ZNF423: variants seen among roughly 807,000 people sequenced by gnomAD.
ZNF423 encodes the protein zinc finger protein 423.
ZNF423 carries 12 observed loss-of-function variants against 95.8 expected under a neutral mutation model. The observed-to-expected ratio is 0.13, with a 90% confidence interval of 0.08 to 0.20. The LOEUF is 0.20. Ranked by LOEUF, ZNF423 falls within the 10% of genes least tolerant of loss-of-function variation. The probability of loss-of-function intolerance (pLI) is 1.00; values close to 1 mark genes in which losing one functional copy is unlikely to be tolerated. For missense variants in ZNF423, 1,316 were observed against 1,737.1 expected (o/e 0.76, Z 4.31); for synonymous variants, 749 against 711.9 (o/e 1.05, Z -0.83).
At chr16:49,712,256 C>A (rs1157696212) in intron 3 of ZNF423, among the ~76,000 whole-genome samples, 3 of 152,158 alleles carry the variant, frequency 2.0e-5, no homozygotes, top group African/African-American at 7.2e-5. Context: ...AACATAGGGG[C>A]CTGCATTGGT....
intron 7 of ZNF423, chr16:49,518,607 C>G: frequency 2.4e-6 from 1 of 420,054 alleles, no homozygotes. Context: ...AAAGTCTCCC[C>G]TATTTCTTCC....
intron 3 of ZNF423, among the ~76,000 whole-genome samples, chr16:49,643,502 C>G (rs901408446): frequency 1.4e-5 from 2 of 141,334 alleles, no homozygotes; most frequent in African/African-American, 5.3e-5. Context: ...AGGATGTGAA[C>G]CCCCCCTTAG....
intron 5 of ZNF423, among the ~76,000 whole-genome samples, chr16:49,596,209 C>T (rs1024833832): frequency 3.9e-5 from 6 of 152,194 alleles, no homozygotes; most frequent in African/African-American, 1.4e-4. Context: ...CACAAAGCCG[C>T]AAACAGCTCC....
chr16:49,533,808 G>A (rs1968946378), intron 5 of ZNF423, among the ~76,000 whole-genome samples: 1 of 152,212 alleles, frequency 6.6e-6, no homozygotes, highest in African/African-American at 2.4e-5. Flanking sequence ...GAAATGGGGA[G>A]AAGGTTGTCC....
intron 7 of ZNF423, among the ~76,000 whole-genome samples, chr16:49,514,245 C>T (rs1264559580): frequency 1.4e-5 from 2 of 141,382 alleles, no homozygotes; most frequent in Non-Finnish European, 3.0e-5. Context: ...CACACGCACA[C>T]GCACACACAC....
intron 5 of ZNF423, among the ~76,000 whole-genome samples, chr16:49,615,128 T>TCACACA (rs557190259): frequency 0.056 from 5,477 of 98,288 alleles, 144 homozygotes; most frequent in Admixed American, 0.091. Flanking sequence ...AGAAACTCCA[T>TCACACA]CTCACACACA....
intron 1 of ZNF423, among the ~76,000 whole-genome samples, chr16:49,799,937 G>A (rs565075802): frequency 1.3e-5 from 2 of 152,176 alleles, no homozygotes; most frequent in South Asian, 4.2e-4. Context: ...CCACAAGCAC[G>A]CACCATTACT....
At chr16:49,655,925 C>G (rs1348704600) in intron 3 of ZNF423, among the ~76,000 whole-genome samples, 1 of 152,218 alleles carries the variant, frequency 6.6e-6, no homozygotes, top group Non-Finnish European at 1.5e-5. Context: ...TAAGTGGGTG[C>G]ACGAGGTAAC....
chr16:49,638,825 G>A lies in ZNF423; in HGVS notation c.351C>T (p.Ser117=), dbSNP rs1325573055. The change falls in exon 4 of 8, where the codon AGC becomes AGT. Residue 117 remains serine (S), a synonymous_variant. Transcript: ENST00000563137. This position sits in a 1 kb window ranked among gnomAD's most constrained non-coding sequence, Gnocchi z 5.6. ...TCTGCGTGGGTGACGCAACATCCTT[G>A]CTGGAGGGAGACGAGGCCACCCAGG... is the stretch of plus-strand genomic sequence containing the variant. ...QLSWVASSPS[S]KDVASPTQMI... 6 of 1,613,476 alleles carry A rather than the reference G, an allele frequency of 3.7e-6. No individual in the cohort carries two copies. Among genetic ancestry groups the A allele is most frequent in the Admixed American group, 3.3e-5 (2 of 59,994 alleles).
At chr16:49,837,688 T>C (rs1413100337) in intron 1 of ZNF423, among the ~76,000 whole-genome samples, 3 of 152,172 alleles carry the variant, frequency 2.0e-5, no homozygotes, top group African/African-American at 7.2e-5. Flanking sequence ...CTCCCCCAGA[T>C]TTTGTCCCAT....
chr16:49,769,556 C>T (rs937568167), intron 2 of ZNF423, among the ~76,000 whole-genome samples: 3 of 152,066 alleles, frequency 2.0e-5, no homozygotes, highest in African/African-American at 7.2e-5. Flanking sequence ...TAAACCTGAT[C>T]ACGCCACTGC....
chr16:49,783,760 A>G (rs2034260035), intron 2 of ZNF423, among the ~76,000 whole-genome samples: 1 of 152,066 alleles, frequency 6.6e-6, no homozygotes, highest in Non-Finnish European at 1.5e-5. Flanking sequence ...TCACAAGGTC[A>G]GGAGATCGAG....
chr16:49,637,970 C>A lies in ZNF423; in HGVS notation c.1206G>T (p.Gln402His), dbSNP rs1160501766. The change falls in exon 4 of 8, where the codon CAG becomes CAT. Residue 402 changes from glutamine (Q) to histidine (H), a missense_variant. Around this residue, in one of 6 missense-constraint regions of ZNF423, gnomAD observed 399 missense variants for 478.5 expected, o/e 0.83. Coordinates refer to ENST00000563137, the MANE Select transcript of ZNF423 (RefSeq NM_001379286.1). This position sits in a 1 kb window ranked among gnomAD's most constrained non-coding sequence, Gnocchi z 5.6. The part of the protein sequence containing the change: ...PDSTLKPLRG[Q>H]KKMRDDGQGW... ...CCTGCCCGTCATCCCGCATCTTCTT[C>A]TGCCCCCGCAGCGGCTTCAAGGTGG... The A allele has an allele frequency of 6.2e-7, 1 of 1,614,164 alleles. No homozygotes were observed. Among genetic ancestry groups the A allele is most frequent in the South Asian group, 1.1e-5 (1 of 91,092 alleles).
chr16:49,527,389 G>A (rs1028222574), intron 5 of ZNF423, among the ~76,000 whole-genome samples: 4 of 152,188 alleles, frequency 2.6e-5, no homozygotes, highest in East Asian at 3.9e-4. Flanking sequence ...CCCCACGCAC[G>A]TCCTCCACCT....
At chr16:49,722,885 T>C (rs1204162001) in intron 3 of ZNF423, among the ~76,000 whole-genome samples, 1 of 152,168 alleles carries the variant, frequency 6.6e-6, no homozygotes, top group East Asian at 1.9e-4. Flanking sequence ...TGTGCCATTC[T>C]GGTATTTTTA....
intron 1 of ZNF423, among the ~76,000 whole-genome samples, chr16:49,829,946 C>T (rs2035044704): frequency 6.6e-6 from 1 of 152,204 alleles, no homozygotes; most frequent in Non-Finnish European, 1.5e-5. Context: ...CCCACTAACC[C>T]TTTCTCCTGA....
intron 5 of ZNF423, among the ~76,000 whole-genome samples, chr16:49,556,434 C>T (rs981730224): frequency 6.6e-6 from 1 of 152,202 alleles, no homozygotes. Context: ...GCTAGCTGTC[C>T]TCTCCCATGG....
intron 3 of ZNF423, among the ~76,000 whole-genome samples, 181 bp from the exon 4 acceptor site, chr16:49,639,055 A>C (rs887422940): frequency 6.6e-6 from 1 of 152,208 alleles, no homozygotes; most frequent in African/African-American, 2.4e-5. Flanking sequence ...CTGTCTGCAG[A>C]GGGCACGCCA....
At chr16:49,813,589 T>C (rs777743187) in intron 1 of ZNF423, among the ~76,000 whole-genome samples, 1 of 152,172 alleles carries the variant, frequency 6.6e-6, no homozygotes, top group South Asian at 2.1e-4. Context: ...TCCCGCCCCA[T>C]GGCAGTTCCC....
Sources: allele counts gnomAD v4.1 joint callset (sites outside exome capture counted in the v4.1 genomes callset), GRCh38; gene constraint gnomAD v4.1.1; regional missense constraint gnomAD v4.1.1; non-coding constraint Gnocchi (gnomAD v3.1); transcripts MANE v1.5; gene names NCBI Gene and HGNC (gene_info 2026-07-23, HGNC 2026-07-21).